The following ATRNL1 variants were observed in gnomAD, a reference collection of about 807,000 sequenced individuals.
ATRNL1 encodes the protein attractin like 1, also known as attractin-like protein 1.
In ATRNL1, 95 loss-of-function variants were observed where a neutral mutation model predicts 182.7. That is an observed-to-expected ratio of 0.52 (90% CI 0.44 to 0.62). The LOEUF is 0.62. Ranked by LOEUF, ATRNL1 falls within the 20% of genes least tolerant of loss-of-function variation. ATRNL1 has a pLI of 0.00. For synonymous variants in ATRNL1, 576 were observed against 568.3 expected (o/e 1.01, Z -0.19); for missense variants, 1,471 against 1,679.5 (o/e 0.88, Z 2.17).
chr10:115,099,561 A>G (rs2085108551), intron 1 of ATRNL1, among the ~76,000 whole-genome samples: 4 of 152,128 alleles, frequency 2.6e-5, no homozygotes, highest in African/African-American at 9.6e-5. Flanking sequence ...GCAGTGAGTC[A>G]GTGTTCTATC....
intron 24 of ATRNL1, among the ~76,000 whole-genome samples, chr10:115,498,798 T>TA (rs1291170730): frequency 6.6e-6 from 1 of 152,034 alleles, no homozygotes; most frequent in East Asian, 1.9e-4. Flanking sequence ...ATATATGCAT[T>TA]AAAAAATTAA....
At chr10:115,165,695 T>C in intron 7 of ATRNL1, 50 bp downstream of exon 7, 1 of 1,000,308 alleles carries the variant, frequency 1.0e-6, no homozygotes, top group Non-Finnish European at 1.5e-6. Flanking sequence ...TTTGATAGTT[T>C]ACCACAGGCT....
intron 1 of ATRNL1, among the ~76,000 whole-genome samples, chr10:115,099,170 T>C (rs977096493): frequency 2.6e-5 from 4 of 152,352 alleles, no homozygotes; most frequent in Middle Eastern, 3.4e-3. Flanking sequence ...CTAGAACTTT[T>C]TGTAAATAGA....
chr10:115,629,391 A>C (rs1858334223), intron 26 of ATRNL1, among the ~76,000 whole-genome samples: 1 of 152,002 alleles, frequency 6.6e-6, no homozygotes, highest in Non-Finnish European at 1.5e-5. Context: ...TTCTACTCCA[A>C]GTAATTAGTC....
intron 25 of ATRNL1, among the ~76,000 whole-genome samples, chr10:115,540,146 TAAATAA>T: frequency 6.6e-6 from 1 of 150,992 alleles, no homozygotes; most frequent in Admixed American, 6.6e-5. Flanking sequence ...AATAAATAAA[TAAATAA>T]ATATATAGTG....
At chr10:115,647,370 G>T (rs1437379301) in intron 26 of ATRNL1, among the ~76,000 whole-genome samples, 1 of 152,122 alleles carries the variant, frequency 6.6e-6, no homozygotes, top group African/African-American at 2.4e-5. Flanking sequence ...TTGAGGAATT[G>T]CCACACTGTC....
intron 27 of ATRNL1, among the ~76,000 whole-genome samples, chr10:115,777,475 A>G (rs1949156315): frequency 1.3e-5 from 2 of 152,158 alleles, no homozygotes; most frequent in East Asian, 3.9e-4. Flanking sequence ...CAAATAGTAT[A>G]TTTCCTGTAA....
intron 27 of ATRNL1, among the ~76,000 whole-genome samples, chr10:115,763,531 G>T (rs782785268): frequency 9.2e-5 from 14 of 152,120 alleles, no homozygotes; most frequent in African/African-American, 3.4e-4. Flanking sequence ...ACATGATCTG[G>T]TTGGCCTAGT....
chr10:115,561,294 A>G (rs1336177266), intron 26 of ATRNL1, among the ~76,000 whole-genome samples: 2 of 152,190 alleles, frequency 1.3e-5, no homozygotes, highest in African/African-American at 4.8e-5. Flanking sequence ...CAAGTCAGTA[A>G]TCAAAAGGCA....
intron 10 of ATRNL1, among the ~76,000 whole-genome samples, chr10:115,258,951 C>T (rs1430448335): frequency 2.6e-5 from 4 of 152,192 alleles, no homozygotes; most frequent in African/African-American, 9.6e-5. Flanking sequence ...GCGGAGGCTG[C>T]AGAACAGCAA....
At chr10:115,715,106 A>C (rs1947208445) in intron 26 of ATRNL1, among the ~76,000 whole-genome samples, 3 of 152,194 alleles carry the variant, frequency 2.0e-5, no homozygotes, top group Admixed American at 1.3e-4. Flanking sequence ...TGACTAAGTA[A>C]GAAATACACA....
intron 26 of ATRNL1, among the ~76,000 whole-genome samples, chr10:115,707,939 G>C (rs1405676151): frequency 2.0e-5 from 3 of 151,560 alleles, no homozygotes; most frequent in African/African-American, 7.3e-5. Flanking sequence ...CCAAACCAGT[G>C]GCATTCTCTT....
chr10:115,373,147 C>A (rs560186771), intron 19 of ATRNL1, among the ~76,000 whole-genome samples: 248 of 151,688 alleles, frequency 1.6e-3, no homozygotes, highest in Non-Finnish European at 2.8e-3. Flanking sequence ...GAGATTATTT[C>A]TTGATTTTGT....
intron 9 of ATRNL1, among the ~76,000 whole-genome samples, chr10:115,226,446 A>G (rs1457466421): frequency 1.3e-5 from 2 of 152,036 alleles, no homozygotes; most frequent in East Asian, 3.9e-4. Context: ...GAACACAAAC[A>G]TGCCATGCTC....
chr10:115,156,616 A>G (rs1371481407), intron 5 of ATRNL1, among the ~76,000 whole-genome samples: 1 of 152,110 alleles, frequency 6.6e-6, no homozygotes, highest in Admixed American at 6.6e-5. Context: ...TTAGAAATTC[A>G]TTTATACTCT....
Position 115,301,368 on chromosome 10 carries a change from A to G in ATRNL1, c.2630-487A>G, listed in dbSNP as rs529247575. On this transcript the variant is annotated intron_variant, in intron 16 of 28. Coordinates refer to ENST00000355044, the MANE Select transcript of ATRNL1 (RefSeq NM_207303.4). The stretch of plus-strand genomic sequence containing the variant: ...CCATCCTTGCCAATATTTATTTCCT[A>G]TTATTTTTAAATAATGGCCATCTTA... Among the ~76,000 whole-genome samples, 5 of 152,246 alleles carry G rather than the reference A, an allele frequency of 3.3e-5. No homozygotes were observed. In the East Asian group the frequency reaches 9.6e-4, roughly 29 times the overall value.
chr10:115,227,440 A>G (rs533502744), intron 9 of ATRNL1, among the ~76,000 whole-genome samples: 1 of 152,300 alleles, frequency 6.6e-6, no homozygotes, highest in African/African-American at 2.4e-5. Flanking sequence ...ACTGCAGAGA[A>G]AAGTGAATGC....
In ATRNL1 at chr10:115,286,284, A is replaced by C; in HGVS notation, c.2302A>C (p.Asn768His). ...TCTTAGAGTCAATTCCAGTAGAGAA[A>C]ACTATGACAATGCAAAACTTTATTG... ...ACLRVNSSRE[N>H]YDNAKLYCYN... The change falls in exon 15 of 29, where the codon AAC becomes CAC. Residue 768 changes from asparagine to histidine, a missense_variant. This residue lies in a region of ATRNL1 where 1,031 missense variants were observed against 1,156.0 expected (regional missense o/e 0.89). Transcript: ENST00000355044. The C allele has an allele frequency of 1.3e-6, 2 of 1,598,982 alleles. No homozygotes were observed. The highest frequency in any genetic ancestry group is 8.6e-7 in the Non-Finnish European group (1 of 1,166,952).
chr10:115,828,830 A>G (rs1376802674), intron 27 of ATRNL1, among the ~76,000 whole-genome samples: 1 of 152,202 alleles, frequency 6.6e-6, no homozygotes, highest in South Asian at 2.1e-4. Context: ...CAGCCTGTGC[A>G]GGACAAATCT....
Sources: gnomAD v4.1 joint callset for allele counts (sites outside exome capture counted in the v4.1 genomes callset) on GRCh38, gnomAD v4.1.1 for gene constraint, gnomAD v4.1.1 regional missense constraint, MANE v1.5 for transcripts, NCBI Gene and HGNC (gene_info 2026-07-23, HGNC 2026-07-21) for gene names.